ZNF276: variants seen among roughly 807,000 people sequenced by gnomAD.
ZNF276 encodes zinc finger protein 276.
A neutral mutation model predicts 63.9 loss-of-function variants in ZNF276; 59 were observed. The ratio of observed to expected loss-of-function variants is 0.92; its 90% confidence interval spans 0.75 to 1.15. The LOEUF (loss-of-function observed/expected upper bound fraction) is 1.15. Ranked by LOEUF, ZNF276 falls within the 50% of genes most tolerant of loss-of-function variation. The pLI, the probability that ZNF276 is intolerant of heterozygous loss-of-function variation, is 0.00. For missense variants in ZNF276, 1,084 were observed against 843.8 expected (o/e 1.28, Z -3.53); for synonymous variants, 496 against 348.4 (o/e 1.42, Z -4.72).
intron 1 of ZNF276, among the ~76,000 whole-genome samples, chr16:89,722,211 C>T (rs960691141): frequency 1.3e-5 from 2 of 152,198 alleles, no homozygotes; most frequent in Admixed American, 6.5e-5. Flanking sequence ...CAGGAAACCG[C>T]GGCGTTTCCT....
At chr16:89,733,147 T>G in intron 6 of ZNF276, 155 bp from the exon 7 acceptor site, 2 of 711,522 alleles carry the variant, frequency 2.8e-6, no homozygotes, top group Non-Finnish European at 4.8e-6. Flanking sequence ...AGAGTTGCTC[T>G]GGCTTTGGTG....
chr16:89,725,566 C>T (rs1447034118), intron 4 of ZNF276, among the ~76,000 whole-genome samples: 2 of 151,856 alleles, frequency 1.3e-5, no homozygotes, highest in African/African-American at 2.4e-5. Context: ...CTGAGGTAGG[C>T]GGATCACGGG....
intron 9 of ZNF276, among the ~76,000 whole-genome samples, chr16:89,736,589 G>A (rs925241077): frequency 6.6e-6 from 1 of 151,974 alleles, no homozygotes; most frequent in East Asian, 1.9e-4. Flanking sequence ...GCCTTCCAAA[G>A]TGCTGGGATT....
chr16:89,728,784 A>T (rs2061553459), intron 5 of ZNF276, among the ~76,000 whole-genome samples: 1 of 151,846 alleles, frequency 6.6e-6, no homozygotes, highest in South Asian at 2.1e-4. Context: ...CGATCCACCT[A>T]CGTCACCCTC....
chr16:89,723,519 C>G lies in ZNF276; in HGVS notation c.816C>G (p.Pro272=). 1.2e-6 allele frequency: 2 copies of G among 1,612,866 alleles called. No homozygotes were observed. Among genetic ancestry groups the G allele is most frequent in the East Asian group, 2.2e-5 (1 of 44,878 alleles). ...PWDKETAPRL[P]QHRGWNPGDA... ...ACAAAGAGACGGCGCCACGGCTGCC[C>G]CAGCACCGAGGGTGGAACCCTGGGG... Residue 272 remains proline (P), a synonymous_variant, in exon 4 of 11, where the codon CCC becomes CCG. Coordinates refer to ENST00000443381, the MANE Select transcript of ZNF276 (RefSeq NM_001113525.2).
At position 89,738,521 on chromosome 16, in the gene ZNF276, T is replaced by C. The variant is rs2062025238; in HGVS notation, c.*275T>C. ...TCGAGGAGATTTGTAATCCACTTTT[T>C]AGTGCAACAAGAGCTCCATGTTATG... On this transcript the variant is annotated 3_prime_UTR_variant, in exon 11 of 11. Coordinates refer to ENST00000443381, the MANE Select transcript of ZNF276 (RefSeq NM_001113525.2). 1.9e-6 allele frequency: 3 copies of C among 1,597,662 alleles called. No homozygotes were observed. The highest frequency in any genetic ancestry group is 1.7e-5 in the Admixed American group (1 of 59,900).
chr16:89,721,010 G>A (rs1170923323), upstream of ZNF276: 3 of 743,694 alleles, frequency 4.0e-6, no homozygotes, highest in East Asian at 7.9e-5. Flanking sequence ...GGCCCCCTCC[G>A]CGCGTACTGC....
Position 89,740,590 on chromosome 16 carries a change from C to G in ZNF276, c.*2344C>G. The stretch of plus-strand genomic sequence containing the variant: ...GGCTGAGGTTGCAGTGAGCTGAGAT[C>G]ACACCACTGCACTCCAGCCTGGGTG... On this transcript the variant is annotated 3_prime_UTR_variant, in exon 11 of 11. Transcript: ENST00000443381. 1 of 577,040 alleles carries G rather than the reference C, an allele frequency of 1.7e-6. No individual in the cohort carries two copies. The highest frequency in any genetic ancestry group is 3.0e-5 in the East Asian group (1 of 33,508). 35.7% of individuals were successfully genotyped at this position (577,040 alleles called of 1,614,324 possible).
At position 89,738,501 on chromosome 16, in the gene ZNF276, G is replaced by A. The variant is rs938807623; in HGVS notation, c.*255G>A. On this transcript the variant is annotated 3_prime_UTR_variant, in exon 11 of 11. Transcript: ENST00000443381. ...TCCTTTCCCCACTAAAGCAGTCGAG[G>A]AGATTTGTAATCCACTTTTTAGTGC... 11 of 1,562,102 alleles carry A rather than the reference G, an allele frequency of 7.0e-6. No individual in the cohort carries two copies. The highest frequency in any genetic ancestry group is 1.7e-5 in the Admixed American group (1 of 59,046).
chr16:89,725,796 G>C, intron 4 of ZNF276, among the ~76,000 whole-genome samples: 1 of 151,984 alleles, frequency 6.6e-6, no homozygotes, highest in East Asian at 1.9e-4. Context: ...GTCTAAAAAA[G>C]AAAAAAACAA....
intron 6 of ZNF276, chr16:89,731,734 C>T (rs574785355): frequency 6.6e-6 from 1 of 152,230 alleles, no homozygotes; most frequent in Admixed American, 6.5e-5. Context: ...GTGTAAACTA[C>T]TTTTTTCATG....
chr16:89,738,313 T>C lies in ZNF276; in HGVS notation c.*67T>C. 1 of 1,524,226 alleles carries C rather than the reference T, an allele frequency of 6.6e-7. No homozygotes were observed. The highest frequency in any genetic ancestry group is 8.8e-7 in the Non-Finnish European group (1 of 1,136,808). 94.4% of individuals were successfully genotyped at this position (1,524,226 alleles called of 1,614,324 possible). ...GCAGTGGCTGTGTCAGCCTCACCCT[T>C]CGTGTGCACCCGCATGGGAGGGTCG... On this transcript the variant is annotated 3_prime_UTR_variant, in exon 11 of 11. Coordinates refer to ENST00000443381, the MANE Select transcript of ZNF276 (RefSeq NM_001113525.2).
At chr16:89,730,917 GT>G (rs1300174853) in intron 6 of ZNF276, among the ~76,000 whole-genome samples, 1 of 152,248 alleles carries the variant, frequency 6.6e-6, no homozygotes, top group African/African-American at 2.4e-5. Flanking sequence ...TTAATGAGGG[GT>G]CAGTGGTTCC....
rs368372404 is a variant in ZNF276, at chr16:89,740,794, T to C, written c.*2548T>C. ...GGAGAGGACACCTTGGCTGGTAAGGTCTGACTTACATTTGAGGTCAGATGT... is the reference window on the plus strand; with the variant it reads ...GGAGAGGACACCTTGGCTGGTAAGGCCTGACTTACATTTGAGGTCAGATGT... On this transcript the variant is annotated 3_prime_UTR_variant, in exon 11 of 11. Transcript: ENST00000443381. 7 of 1,612,778 alleles carry C rather than the reference T, an allele frequency of 4.3e-6. No individual in the cohort carries two copies. The African/African-American group carries it at 9.3e-5, about 22-fold the overall frequency.
In ZNF276 at chr16:89,738,731, C is replaced by T. The variant is rs371859584; in HGVS notation, c.*485C>T. The T allele has an allele frequency of 4.3e-6, 7 of 1,613,244 alleles. No homozygotes were observed. Among genetic ancestry groups the T allele is most frequent in the Non-Finnish European group, 5.9e-6 (7 of 1,179,722 alleles). Reference sequence around the variant, plus strand: ...CAGCTGTGAGAGAGGAGCAGGTCCTCAGCCCATGCCGCCCACTAGGCCTCA... The same window carrying T: ...CAGCTGTGAGAGAGGAGCAGGTCCTTAGCCCATGCCGCCCACTAGGCCTCA... On this transcript the variant is annotated 3_prime_UTR_variant, in exon 11 of 11. Transcript: ENST00000443381.
chr16:89,723,194 C>T lies in ZNF276; in HGVS notation c.556+11C>T, dbSNP rs971865619. On this transcript the variant is annotated intron_variant, in intron 3 of 10. Coordinates refer to ENST00000443381, the MANE Select transcript of ZNF276 (RefSeq NM_001113525.2). ...AGGGAGCGTGTCTGGGTGAGTCCTC[C>T]CCCGGTGGAGGGTGGGCTGGGTGCC... 8 of 1,613,178 alleles carry T rather than the reference C, an allele frequency of 5.0e-6. No individual in the cohort carries two copies. The highest frequency in any genetic ancestry group is 5.9e-6 in the Non-Finnish European group (7 of 1,180,014).
Position 89,723,163 on chromosome 16 carries a change from C to A in ZNF276, c.536C>A (p.Ala179Glu). The A allele has an allele frequency of 6.2e-7, 1 of 1,613,214 alleles. No individual in the cohort carries two copies. Among genetic ancestry groups the A allele is most frequent in the South Asian group, 1.1e-5 (1 of 91,088 alleles). Residue 179 changes from alanine to glutamate, a missense_variant, in exon 3 of 11, where the codon GCA becomes GAA. By Grantham distance (107) the Ala-to-Glu change is moderately radical (BLOSUM62 -1). Transcript: ENST00000443381. ...AKVGAQPPTG[A>E]EEGACLVDLI... ...GTCGGTGCCCAGCCCCCAACAGGGG[C>A]AGAGGAGGGAGCGTGTCTGGGTGAG...
intron 1 of ZNF276, among the ~76,000 whole-genome samples, chr16:89,722,117 T>G (rs1041037760): frequency 6.6e-6 from 1 of 152,068 alleles, no homozygotes; most frequent in African/African-American, 2.4e-5. Flanking sequence ...CAGGTCGCCC[T>G]GGGGTGCCCG....
rs2061279986 is a variant in ZNF276, at chr16:89,721,654, G to C, written c.14G>C (p.Arg5Pro). Residue 5 changes from arginine (R) to proline (P), a missense_variant, in exon 1 of 11, where the codon CGG becomes CCG. Physicochemically the swap from Arg to Pro is moderately radical, Grantham distance 103. Coordinates refer to ENST00000443381, the MANE Select transcript of ZNF276 (RefSeq NM_001113525.2). ...TCCTCCGCTGCCATGAAGCGGGACC[G>C]GCTGGGCCGCTTCCTGTCTCCTGGG... MKRD[R>P]LGRFLSPGSS... 2.0e-6 allele frequency: 3 copies of C among 1,467,212 alleles called. No homozygotes were observed. Among genetic ancestry groups the C allele is most frequent in the South Asian group, 2.6e-5 (2 of 77,584 alleles). 90.9% of individuals were successfully genotyped at this position (1,467,212 alleles called of 1,614,324 possible).
Sources: allele counts gnomAD v4.1 joint callset (sites outside exome capture counted in the v4.1 genomes callset), GRCh38; gene constraint gnomAD v4.1.1; transcripts MANE v1.5; gene names NCBI Gene and HGNC (gene_info 2026-07-23, HGNC 2026-07-21).